FGFR2: variants seen among roughly 807,000 people sequenced by gnomAD.
FGFR2 encodes the protein BEK fibroblast growth factor receptor.
A neutral mutation model predicts 95.9 loss-of-function variants in FGFR2; 19 were observed. The ratio of observed to expected loss-of-function variants is 0.20; its 90% CI spans 0.14 to 0.29. The LOEUF (loss-of-function observed/expected upper bound fraction) is 0.29. Among genes scored for constraint, FGFR2 ranks in the 10% least tolerant of loss-of-function variants. The pLI, the probability that FGFR2 is intolerant of heterozygous loss-of-function variation, is 1.00. For missense variants in FGFR2, 707 were observed against 1,056.9 expected (o/e 0.67, Z 4.59); for synonymous variants, 392 against 393.3 (o/e 1.00, Z 0.04).
intron 14 of FGFR2, 59 bp from the exon 15 acceptor site, chr10:121,487,483 G>T: frequency 7.5e-7 from 1 of 1,335,036 alleles, no homozygotes; most frequent in Non-Finnish European, 1.1e-6. Context: ...TATCTTAGCA[G>T]GCTCAATAGG....
Position 121,483,822 on chromosome 10 carries a change from C to T in FGFR2, c.2196-19G>A, listed in dbSNP as rs1367481117. The T allele has an allele frequency of 6.3e-7, 1 of 1,588,148 alleles. No homozygotes were observed. Among genetic ancestry groups the T allele is most frequent in the Admixed American group, 1.7e-5 (1 of 59,476 alleles). ...CATGTACCTGGGAAAAATGGATTTC[C>T]TTGAATTAATTTCATATGCACTGGG... On this transcript the variant is annotated intron_variant, in intron 16 of 17. Transcript: ENST00000358487.
At chr10:121,578,664 C>T (rs142861279) in intron 2 of FGFR2, among the ~76,000 whole-genome samples, 3,998 of 152,364 alleles carry the variant, frequency 0.026, 133 homozygotes, top group African/African-American at 0.078. Flanking sequence ...AATCCCAGCA[C>T]TTTGGGAGGC....
intron 2 of FGFR2, among the ~76,000 whole-genome samples, chr10:121,591,009 ACACTCTCTCTCT>A: frequency 7.0e-6 from 1 of 142,620 alleles, no homozygotes; most frequent in South Asian, 2.1e-4. Flanking sequence ...ACACACACGC[ACACTCTCTCTCT>A]CTCTCTCTCT....
Position 121,560,508 on chromosome 10 carries a change from G to C in FGFR2, c.454+3994C>G, listed in dbSNP as rs1176221798. 3.3e-5 allele frequency among the ~76,000 whole-genome samples: 5 copies of C among 151,262 alleles called. No homozygotes were observed. The South Asian group carries it at 1.0e-3, about 32-fold the overall frequency. On this transcript the variant is annotated intron_variant, in intron 4 of 17. Transcript: ENST00000358487. ...TGGGCACCTGTAGTCCCAGCTACTC[G>C]GGAGGCTGAGGCAGGAGAATGGCGT...
At chr10:121,522,740 A>T (rs1015377087) in intron 6 of FGFR2, among the ~76,000 whole-genome samples, 1 of 152,152 alleles carries the variant, frequency 6.6e-6, no homozygotes, top group Non-Finnish European at 1.5e-5. Context: ...AAACACAATC[A>T]TGTGTCCATA....
intron 5 of FGFR2, among the ~76,000 whole-genome samples, chr10:121,545,715 A>T (rs1175581930): frequency 6.6e-6 from 1 of 152,250 alleles, no homozygotes; most frequent in African/African-American, 2.4e-5. Context: ...ATTTCATCAA[A>T]AAGTCTTTAA....
In FGFR2 at chr10:121,541,106, C is replaced by T. The variant is rs181871165; in HGVS notation, c.625-2391G>A. ...ATATTTACTTCCTGGAGATGCACTACAAATATTAATAAGTTAACGTTTATA... is the reference window on the plus strand; with the variant it reads ...ATATTTACTTCCTGGAGATGCACTATAAATATTAATAAGTTAACGTTTATA... On this transcript the variant is annotated intron_variant, in intron 5 of 17. Transcript: ENST00000358487. Among the ~76,000 whole-genome samples the T allele has an allele frequency of 2.0e-5, 3 of 152,248 alleles. No individual in the cohort carries two copies. In the East Asian group the frequency reaches 5.8e-4, roughly 29 times the overall value.
At chr10:121,542,092 T>C (rs531596314) in intron 5 of FGFR2, among the ~76,000 whole-genome samples, 64 of 152,254 alleles carry the variant, frequency 4.2e-4, no homozygotes, top group Non-Finnish European at 8.8e-4. Flanking sequence ...ATAAAAAGAA[T>C]GAAGTATTAT....
intron 9 of FGFR2, among the ~76,000 whole-genome samples, chr10:121,505,388 A>G (rs1010864263): frequency 1.3e-5 from 2 of 152,236 alleles, no homozygotes; most frequent in African/African-American, 4.8e-5. Context: ...GCACTTCCTG[A>G]GCCTTCCATT....
intron 17 of FGFR2, chr10:121,481,827 C>A (rs1367890311): frequency 4.5e-5 from 8 of 179,080 alleles, no homozygotes; most frequent in East Asian, 1.3e-4. Flanking sequence ...CGGTTTCTTT[C>A]TTTTTTATTT....
intron 5 of FGFR2, among the ~76,000 whole-genome samples, chr10:121,549,407 C>T (rs1855043850): frequency 6.6e-6 from 1 of 152,168 alleles, no homozygotes; most frequent in Non-Finnish European, 1.5e-5. Context: ...ATCCTCCCTA[C>T]CTGGCTGTAA....
intron 6 of FGFR2, among the ~76,000 whole-genome samples, chr10:121,535,755 C>T (rs1255196036): frequency 1.3e-5 from 2 of 152,184 alleles, no homozygotes; most frequent in Non-Finnish European, 1.5e-5. Context: ...TCAAGCCAGG[C>T]TCCTAAAAGG....
Position 121,517,220 on chromosome 10 carries a change from G to T in FGFR2, c.1084+99C>A. 7.6e-7 allele frequency: 1 copy of T among 1,308,746 alleles called. No homozygotes were observed. The highest frequency in any genetic ancestry group is 1.1e-6 in the Non-Finnish European group (1 of 905,712). The allele number at this position is 1,308,746 out of a possible 1,614,324, so 81.1% of individuals were successfully genotyped here. On this transcript the variant is annotated intron_variant, in intron 8 of 17. Transcript: ENST00000358487. The surrounding 1 kb of genome is among the most constrained non-coding windows in gnomAD (Gnocchi z 4.7). ...TAACATTTTTTATATCTTTATGCAA[G>T]GATAAAAGGGGCCATTTCTGATAAC...
intron 2 of FGFR2, among the ~76,000 whole-genome samples, chr10:121,573,086 T>G (rs1859098624): frequency 6.6e-6 from 1 of 152,234 alleles, no homozygotes; most frequent in Admixed American, 6.5e-5. Flanking sequence ...CAGGTAACAC[T>G]TTACGTTGCC....
At chr10:121,596,595 G>T (rs753077580) in intron 1 of FGFR2, 2 of 203,530 alleles carry the variant, frequency 9.8e-6, no homozygotes, top group Non-Finnish European at 2.0e-5. Context: ...CACTGAGTAG[G>T]AGCGGGAGCT....
At chr10:121,588,842 G>A (rs949990850) in intron 2 of FGFR2, among the ~76,000 whole-genome samples, 1 of 152,100 alleles carries the variant, frequency 6.6e-6, no homozygotes, top group Admixed American at 6.6e-5. Flanking sequence ...AGTGAGCCAC[G>A]TTTGACAATG....
Position 121,582,648 on chromosome 10 carries a change from T to C in FGFR2, c.109+11061A>G, listed in dbSNP as rs1414786247. Reference sequence around the variant, plus strand: ...TAAAAATACAATTAGCCGGGCGTGGTGGTGCACATCTGTAATCCCAGCTAC... The same window carrying C: ...TAAAAATACAATTAGCCGGGCGTGGCGGTGCACATCTGTAATCCCAGCTAC... On this transcript the variant is annotated intron_variant, in intron 2 of 17. Coordinates refer to ENST00000358487, the MANE Select transcript of FGFR2 (RefSeq NM_000141.5). 3.3e-5 allele frequency among the ~76,000 whole-genome samples: 5 copies of C among 152,166 alleles called. No individual in the cohort carries two copies. In the South Asian group the frequency reaches 6.2e-4, roughly 19 times the overall value.
Position 121,516,432 on chromosome 10 carries a change from C to A in FGFR2, c.1084+887G>T, listed in dbSNP as rs1369960007. 3.9e-5 allele frequency among the ~76,000 whole-genome samples: 6 copies of A among 152,264 alleles called. No individual in the cohort carries two copies. The East Asian group carries it at 1.2e-3, about 29-fold the overall frequency. ...AGATAGTCAAAACTCTCAGCAGCAA[C>A]AGCACAAAAATGAAACGATCTATTT... is the stretch of plus-strand genomic sequence containing the variant. On this transcript the variant is annotated intron_variant, in intron 8 of 17. Transcript: ENST00000358487.
At chr10:121,538,353 T>C (rs746127842) in intron 6 of FGFR2, 2 of 790,886 alleles carry the variant, frequency 2.5e-6, no homozygotes, top group East Asian at 2.4e-5. Context: ...ACGTCCACTT[T>C]ACACAGATGA....
Sources: gnomAD v4.1 joint callset for allele counts (sites outside exome capture counted in the v4.1 genomes callset) on GRCh38, gnomAD v4.1.1 for gene constraint, Gnocchi (gnomAD v3.1) non-coding constraint, MANE v1.5 for transcripts, NCBI Gene and HGNC (gene_info 2026-07-23, HGNC 2026-07-21) for gene names.